ZNF430: variants seen among roughly 807,000 people sequenced by gnomAD.
ZNF430 encodes zinc finger protein 430.
In ZNF430, 35 loss-of-function variants were observed where a neutral mutation model predicts 56.7. The ratio of observed to expected loss-of-function variants is 0.62; its 90% CI spans 0.47 to 0.82. ZNF430 has a LOEUF of 0.82. Ranked by LOEUF, ZNF430 falls within the 40% of genes least tolerant of loss-of-function variation. The pLI, the probability that ZNF430 is intolerant of heterozygous loss-of-function variation, is 0.00. For synonymous variants in ZNF430, 212 were observed against 224.3 expected, an observed-to-expected ratio of 0.94 and a Z score of 0.49; for missense variants, 574 against 661.0, an observed-to-expected ratio of 0.87 and a Z score of 1.44.
chr19:21,036,971 T>A (rs1968010813), intron 4 of ZNF430, among the ~76,000 whole-genome samples: 1 of 152,186 alleles, frequency 6.6e-6, no homozygotes, highest in African/African-American at 2.4e-5. Context: ...ACAAACACCC[T>A]TCCACTTTCT....
At chr19:21,037,703 C>T (rs1212347848) in intron 4 of ZNF430, among the ~76,000 whole-genome samples, 2 of 151,914 alleles carry the variant, frequency 1.3e-5, no homozygotes, top group Non-Finnish European at 2.9e-5. Context: ...CAACAATTGA[C>T]ATAGGTTTTA....
In ZNF430 at chr19:21,057,990, A is replaced by C. The variant is rs769723913; in HGVS notation, c.1682A>C (p.Asn561Thr). The C allele has an allele frequency of 2.1e-5, 34 of 1,612,974 alleles. No individual in the cohort carries two copies. Among genetic ancestry groups the C allele is most frequent in the Non-Finnish European group, 2.8e-5 (33 of 1,179,586 alleles). Residue 561 changes from asparagine to threonine, a missense_variant, in exon 5 of 5, where the codon AAT becomes ACT. Asn to Thr is a moderately conservative substitution (Grantham distance 65). Coordinates refer to ENST00000261560, the MANE Select transcript of ZNF430 (RefSeq NM_025189.4). Reference protein sequence around the residue: ...NQSSNLIEQSNSYWRETLQM With the variant: ...NQSSNLIEQSTSYWRETLQM The stretch of plus-strand genomic sequence containing the variant: ...TCCTCAAACCTTATTGAACAAAGTA[A>C]TTCATACTGGAGAGAAACCCTACAA...
rs745746806 is a variant in ZNF430 at position 21,057,988 on chromosome 19, T to C, written c.1680T>C (p.Ser560=). ...AGTCCTCAAACCTTATTGAACAAAG[T>C]AATTCATACTGGAGAGAAACCCTAC... ...FNQSSNLIEQ[S]NSYWRETLQM The change falls in exon 5 of 5, where the codon AGT becomes AGC. Residue 560 remains serine, a synonymous_variant. Coordinates refer to ENST00000261560, the MANE Select transcript of ZNF430 (RefSeq NM_025189.4). The C allele has an allele frequency of 6.2e-7, 1 of 1,612,452 alleles. No individual in the cohort carries two copies. Among genetic ancestry groups the C allele is most frequent in the South Asian group, 1.1e-5 (1 of 90,944 alleles).
chr19:21,023,448 G>A (rs868167998), intron 2 of ZNF430, among the ~76,000 whole-genome samples: 2 of 152,030 alleles, frequency 1.3e-5, no homozygotes, highest in African/African-American at 4.8e-5. Context: ...AAAAGTGGTG[G>A]GTTTAAGAAA....
intron 1 of ZNF430, among the ~76,000 whole-genome samples, chr19:21,021,168 C>G (rs930971662): frequency 2.0e-5 from 3 of 152,082 alleles, no homozygotes; most frequent in Non-Finnish European, 2.9e-5. Context: ...ATGGGAAGAA[C>G]TTTGGTCCTG....
At chr19:21,024,125 C>A (rs1278281500) in intron 2 of ZNF430, among the ~76,000 whole-genome samples, 2 of 152,104 alleles carry the variant, frequency 1.3e-5, no homozygotes, top group Non-Finnish European at 2.9e-5. Flanking sequence ...TTATTACAGG[C>A]CCAGTTAGTT....
intron 4 of ZNF430, among the ~76,000 whole-genome samples, chr19:21,044,064 A>G (rs1430008415): frequency 6.6e-6 from 1 of 150,620 alleles, no homozygotes; most frequent in Non-Finnish European, 1.5e-5. Flanking sequence ...TCCTATTTGA[A>G]TACCCCTTAT....
intron 4 of ZNF430, among the ~76,000 whole-genome samples, chr19:21,048,760 C>T (rs1041683630): frequency 3.9e-5 from 6 of 152,178 alleles, no homozygotes; most frequent in African/African-American, 9.6e-5. Flanking sequence ...AAGGGGCGGC[C>T]GGGCAGAGGC....
At chr19:21,048,949 A>C (rs902156523) in intron 4 of ZNF430, among the ~76,000 whole-genome samples, 2 of 152,064 alleles carry the variant, frequency 1.3e-5, no homozygotes, top group Non-Finnish European at 2.9e-5. Context: ...TAATCCCAAC[A>C]CTTTGGGAGG....
chr19:21,025,873 C>G (rs1464040452), intron 2 of ZNF430: 4 of 329,090 alleles, frequency 1.2e-5, no homozygotes, highest in Non-Finnish European at 2.3e-5. Context: ...CCTCTTTGTA[C>G]TCTTTCCACA....
Position 21,022,782 on chromosome 19 carries a change from C to T in ZNF430, c.4-7C>T, listed in dbSNP as rs1967719877. ...GATATCAGCTTCTGGGTTATTTTCT[C>T]CCATAGGAGAACCTGAAGTCTGGAG... On this transcript the variant is annotated splice_polypyrimidine_tract_variant and splice_region_variant and intron_variant, in intron 1 of 4. Coordinates refer to ENST00000261560, the MANE Select transcript of ZNF430 (RefSeq NM_025189.4). 1 of 1,599,576 alleles carries T rather than the reference C, an allele frequency of 6.3e-7. No homozygotes were observed. The highest frequency in any genetic ancestry group is 1.1e-5 in the South Asian group (1 of 90,760).
intron 4 of ZNF430, among the ~76,000 whole-genome samples, chr19:21,043,294 G>A (rs560900755): frequency 2.0e-5 from 3 of 152,084 alleles, no homozygotes; most frequent in Admixed American, 2.0e-4. Flanking sequence ...GTTAACTTTT[G>A]TACAGGTGTA....
At chr19:21,045,772 T>C (rs770214908) in intron 4 of ZNF430, among the ~76,000 whole-genome samples, 17 of 152,230 alleles carry the variant, frequency 1.1e-4, no homozygotes, top group African/African-American at 1.9e-4. Flanking sequence ...TTGATTCCTT[T>C]AGCATTATGT....
At position 21,047,667 on chromosome 19, in the gene ZNF430, A is replaced by G. The variant is rs1439889703; in HGVS notation, c.323-8964A>G. On this transcript the variant is annotated intron_variant, in intron 4 of 4. Coordinates refer to ENST00000261560, the MANE Select transcript of ZNF430 (RefSeq NM_025189.4). ...GGTTTCTCTCACACCTGGAGGTGTC[A>G]ACCAGTGGAGCCTGCAGAATAGCAG... is the stretch of plus-strand genomic sequence containing the variant. Among the ~76,000 whole-genome samples, 4 of 152,312 alleles carry G rather than the reference A, an allele frequency of 2.6e-5. No individual in the cohort carries two copies. In the East Asian group the frequency reaches 5.8e-4, roughly 22 times the overall value.
chr19:21,053,084 C>T lies in ZNF430; in HGVS notation c.323-3547C>T, dbSNP rs139986744. On this transcript the variant is annotated intron_variant, in intron 4 of 4. Transcript: ENST00000261560. ...CAGCCCAAAATGCATCGCGACTGTT[C>T]AGGACTCTTCAGACATTTGATTTGT... Among the ~76,000 whole-genome samples, 636 of 152,240 alleles carry T rather than the reference C, an allele frequency of 4.2e-3. 6 individuals are homozygous for T. Among genetic ancestry groups the T allele is most frequent in the African/African-American group, 0.014 (584 of 41,546 alleles).
chr19:21,049,636 T>G (rs898205738), intron 4 of ZNF430: 6 of 152,174 alleles, frequency 3.9e-5, no homozygotes, highest in African/African-American at 1.4e-4. Flanking sequence ...TTGTTACATT[T>G]CGTGCAACAT....
chr19:21,049,625 C>G (rs947702402), intron 4 of ZNF430: 11 of 152,132 alleles, frequency 7.2e-5, no homozygotes, highest in African/African-American at 2.7e-4. Flanking sequence ...TGTAACATTT[C>G]TTGTTACATT....
chr19:21,059,652 T>C lies in ZNF430; in HGVS notation c.*1631T>C, dbSNP rs866222135. ...GAGTTATTACGTTTGAAGTATACTTTATTTCTTGAAAAAATTACAGATTTT... is the reference window on the plus strand; with the variant it reads ...GAGTTATTACGTTTGAAGTATACTTCATTTCTTGAAAAAATTACAGATTTT... On this transcript the variant is annotated 3_prime_UTR_variant, in exon 5 of 5. Transcript: ENST00000261560. 1 of 152,280 alleles carries C rather than the reference T, an allele frequency of 6.6e-6. No homozygotes were observed. The highest frequency in any genetic ancestry group is 2.4e-5 in the African/African-American group (1 of 41,574). The allele number at this position is 152,280 out of a possible 1,614,324, so 9.4% of individuals were successfully genotyped here. A position where few individuals can be genotyped will look rare whatever the true frequency, so the allele number is the denominator to read the frequency against.
At chr19:21,037,551 T>A (rs1262811078) in intron 4 of ZNF430, among the ~76,000 whole-genome samples, 1 of 152,238 alleles carries the variant, frequency 6.6e-6, no homozygotes, top group Non-Finnish European at 1.5e-5. Flanking sequence ...TAAACATGGA[T>A]GTTCAAATAT....
Sources: gnomAD v4.1 joint callset for allele counts (sites outside exome capture counted in the v4.1 genomes callset) on GRCh38, gnomAD v4.1.1 for gene constraint, MANE v1.5 for transcripts, NCBI Gene and HGNC (gene_info 2026-07-23, HGNC 2026-07-21) for gene names.